The following CFAP92 variants were observed in gnomAD, a reference collection of about 807,000 sequenced individuals.
CFAP92 encodes uncharacterized protein CFAP92.
CFAP92 carries 86 observed loss-of-function variants against 106.3 expected under a neutral mutation model. That is an observed-to-expected ratio of 0.81 (90% CI 0.68 to 0.97). The LOEUF (loss-of-function observed/expected upper bound fraction) is 0.97. Among genes scored for constraint, CFAP92 ranks in the 50% least tolerant of loss-of-function variants. CFAP92 has a pLI of 0.00. For synonymous variants in CFAP92, 477 were observed against 506.4 expected (o/e 0.94, Z 0.78); for missense variants, 1,204 against 1,283.8 (o/e 0.94, Z 0.95).
chr3:128,912,258 C>T (rs543634494), intron 15 of CFAP92, among the ~76,000 whole-genome samples: 7 of 152,124 alleles, frequency 4.6e-5, no homozygotes, highest in Non-Finnish European at 7.4e-5. Flanking sequence ...GAGCAAGTGC[C>T]GGCTCCACCC....
the CFAP92 span, among the ~76,000 whole-genome samples, chr3:129,012,194 G>C: frequency 6.6e-6 from 1 of 152,336 alleles, no homozygotes; most frequent in South Asian, 2.1e-4. Flanking sequence ...AGCTCAACTT[G>C]CTTGTGCCTC....
At chr3:128,966,336 CAT>C (rs1163904265) in intron 8 of CFAP92, among the ~76,000 whole-genome samples, 3 of 152,142 alleles carry the variant, frequency 2.0e-5, no homozygotes, top group African/African-American at 7.2e-5. Flanking sequence ...CCACCAAGGA[CAT>C]ATCATGCCAG....
intron 9 of CFAP92, among the ~76,000 whole-genome samples, chr3:128,952,066 C>A (rs1940859995): frequency 6.6e-6 from 1 of 152,016 alleles, no homozygotes; most frequent in Non-Finnish European, 1.5e-5. Flanking sequence ...AGGCCTGCTA[C>A]ACATGCAGTT....
At chr3:128,953,620 C>CGTCTCCGTCTCCGT (rs1165590157) in intron 9 of CFAP92, among the ~76,000 whole-genome samples, 3 of 119,452 alleles carry the variant, frequency 2.5e-5, no homozygotes, top group African/African-American at 1.4e-4. Context: ...TCTCCCTCTC[C>CGTCTCCGTCTCCGT]CTCCCTCTCC....
intron 10 of CFAP92, among the ~76,000 whole-genome samples, chr3:128,937,948 C>T (rs1038315635): frequency 6.6e-6 from 1 of 151,994 alleles, no homozygotes; most frequent in African/African-American, 2.4e-5. Flanking sequence ...CCTGTAATCT[C>T]AGCTACTATG....
upstream of CFAP92, chr3:129,003,425 CT>C: frequency 2.6e-6 from 1 of 378,200 alleles, no homozygotes; most frequent in Non-Finnish European, 3.6e-6. Flanking sequence ...TGGGGGGAGT[CT>C]AGGAGATGAG....
upstream of CFAP92, chr3:129,003,951 C>T: frequency 7.1e-7 from 1 of 1,418,118 alleles, no homozygotes; most frequent in Non-Finnish European, 9.2e-7. Flanking sequence ...CGGCGGCGCG[C>T]GGAGGAGGCC....
chr3:128,961,887 T>C (rs1032097183), intron 9 of CFAP92, among the ~76,000 whole-genome samples: 173 of 151,812 alleles, frequency 1.1e-3, no homozygotes, highest in Non-Finnish European at 2.2e-3. Flanking sequence ...GTGAGACAAA[T>C]CCCAGCCACA....
At chr3:128,994,683 T>G (rs1944413462), upstream of CFAP92, among the ~76,000 whole-genome samples, 2 of 152,156 alleles carry the variant, frequency 1.3e-5, no homozygotes, top group Admixed American at 1.3e-4. Flanking sequence ...AGCACTGTGT[T>G]GAAATCCGGA....
chr3:128,912,677 T>G, intron 15 of CFAP92: 1 of 1,332,638 alleles, frequency 7.5e-7, no homozygotes, highest in Non-Finnish European at 1.1e-6. Flanking sequence ...CTGTTACTCT[T>G]TTTTCAGAAG....
intron 9 of CFAP92, among the ~76,000 whole-genome samples, chr3:128,956,947 T>C (rs1576515639): frequency 8.3e-6 from 1 of 120,498 alleles, no homozygotes; most frequent in African/African-American, 3.4e-5. Context: ...GCCACTACAC[T>C]CCAGCCTGGG....
At chr3:128,959,231 TA>T (rs1559898329) in intron 9 of CFAP92, among the ~76,000 whole-genome samples, 1 of 151,328 alleles carries the variant, frequency 6.6e-6, no homozygotes, top group Admixed American at 6.6e-5. Flanking sequence ...ATAAATAAAA[TA>T]AAAAAGACGA....
intron 10 of CFAP92, among the ~76,000 whole-genome samples, chr3:128,942,230 C>T (rs1015565132): frequency 1.3e-5 from 2 of 152,204 alleles, no homozygotes; most frequent in African/African-American, 4.8e-5. Flanking sequence ...GACTAAAATC[C>T]GCCAAGGGAA....
At chr3:128,988,176 C>T (rs1356864716) in intron 3 of CFAP92, among the ~76,000 whole-genome samples, 1 of 152,188 alleles carries the variant, frequency 6.6e-6, no homozygotes, top group Non-Finnish European at 1.5e-5. Context: ...CATGCACACA[C>T]ACAGAAAAAA....
At chr3:129,002,541 C>G (rs1482509672) in intron 1 of CFAP92, 2 of 937,936 alleles carry the variant, frequency 2.1e-6, no homozygotes, top group Non-Finnish European at 1.5e-6. Context: ...TATTCCATTC[C>G]TGAAAACCCC....
intron 9 of CFAP92, among the ~76,000 whole-genome samples, chr3:128,947,225 C>G (rs925394572): frequency 3.4e-5 from 5 of 148,468 alleles, no homozygotes; most frequent in Non-Finnish European, 5.9e-5. Context: ...CTTCAAAGCA[C>G]TGATGAAAAA....
intron 8 of CFAP92, 132 bp from the exon 9 acceptor site, chr3:128,965,827 AAAAG>A (rs1942323855): frequency 7.6e-6 from 3 of 395,698 alleles, no homozygotes; most frequent in East Asian, 3.6e-5. Flanking sequence ...TTAAAAAAAA[AAAAG>A]AAAAGAAAGA....
chr3:129,010,598 T>C, the CFAP92 span, among the ~76,000 whole-genome samples: 1 of 152,020 alleles, frequency 6.6e-6, no homozygotes, highest in African/African-American at 2.4e-5. The surrounding 1 kb of genome is among the most constrained non-coding windows in gnomAD (Gnocchi z 4.3). Context: ...GGCTACCTCC[T>C]TTCTTCTGCC....
intron 8 of CFAP92, chr3:128,966,627 G>C (rs1942387030): frequency 6.7e-6 from 1 of 148,814 alleles, no homozygotes; most frequent in South Asian, 2.1e-4. Context: ...CTGGAGTACA[G>C]TGGCACGGTC....
Sources: allele counts gnomAD v4.1 joint callset (sites outside exome capture counted in the v4.1 genomes callset), GRCh38; gene constraint gnomAD v4.1.1; non-coding constraint Gnocchi (gnomAD v3.1); transcripts MANE v1.5; gene names NCBI Gene and HGNC (gene_info 2026-07-23, HGNC 2026-07-21).